Variants in DCC observed in about 807,000 individuals in gnomAD.
DCC encodes the protein DCC netrin 1 receptor.
In DCC, 58 loss-of-function variants were observed where a neutral mutation model predicts 172.5. The ratio of observed to expected loss-of-function variants is 0.34; its 90% CI spans 0.27 to 0.42. The LOEUF (loss-of-function observed/expected upper bound fraction) is 0.42. Among genes scored for constraint, DCC ranks in the 10% least tolerant of loss-of-function variants. DCC has a pLI of 1.00. For missense variants in DCC, 1,740 were observed against 1,791.0 expected, an observed-to-expected ratio of 0.97 and a Z score of 0.51; for synonymous variants, 709 against 644.5, an observed-to-expected ratio of 1.10 and a Z score of -1.52.
At chr18:53,125,630 G>C (rs533655707) in intron 7 of DCC, among the ~76,000 whole-genome samples, 1 of 152,034 alleles carries the variant, frequency 6.6e-6, no homozygotes, top group South Asian at 2.1e-4. Flanking sequence ...TAAACAAATG[G>C]TTCCATAGAA....
intron 24 of DCC, among the ~76,000 whole-genome samples, chr18:53,462,183 C>T (rs150657801): frequency 2.0e-5 from 3 of 152,130 alleles, no homozygotes; most frequent in African/African-American, 7.2e-5. Flanking sequence ...TTATTTATGG[C>T]AGGGGTACTC....
At chr18:52,418,419 C>T (rs977465372) in intron 1 of DCC, among the ~76,000 whole-genome samples, 2 of 152,108 alleles carry the variant, frequency 1.3e-5, no homozygotes, top group Non-Finnish European at 2.9e-5. Flanking sequence ...GTTTTTGAGG[C>T]TGGAGCAGGC....
At chr18:52,880,527 C>G (rs1353509625) in intron 2 of DCC, among the ~76,000 whole-genome samples, 1 of 152,158 alleles carries the variant, frequency 6.6e-6, no homozygotes, top group Non-Finnish European at 1.5e-5. Context: ...CCTTTCCCAG[C>G]CTCTGGTAAC....
At chr18:53,100,681 A>C (rs2144216255) in intron 7 of DCC, among the ~76,000 whole-genome samples, 1 of 152,146 alleles carries the variant, frequency 6.6e-6, no homozygotes, top group South Asian at 2.1e-4. Flanking sequence ...GAGAGAAAGA[A>C]ACACCGAGCT....
At chr18:52,913,479 C>T (rs954405147) in intron 3 of DCC, among the ~76,000 whole-genome samples, 1 of 151,914 alleles carries the variant, frequency 6.6e-6, no homozygotes, top group Non-Finnish European at 1.5e-5. Flanking sequence ...AGTGATCTCC[C>T]CCTCAGCAAA....
chr18:52,656,655 A>G (rs774033040), intron 1 of DCC, among the ~76,000 whole-genome samples: 24 of 152,184 alleles, frequency 1.6e-4, no homozygotes, highest in Non-Finnish European at 2.6e-4. Flanking sequence ...CCACAGTGCT[A>G]GGCTCAAGGG....
chr18:52,383,522 G>T (rs551833958), intron 1 of DCC, among the ~76,000 whole-genome samples: 1 of 151,788 alleles, frequency 6.6e-6, no homozygotes, highest in Non-Finnish European at 1.5e-5. Context: ...TGTAGCATTT[G>T]TTTATATACA....
At chr18:53,314,478 C>G (rs1433617532) in intron 13 of DCC, among the ~76,000 whole-genome samples, 1 of 152,156 alleles carries the variant, frequency 6.6e-6, no homozygotes, top group Non-Finnish European at 1.5e-5. Flanking sequence ...TAAGGAAGAA[C>G]TTTTCTAAAA....
At chr18:53,064,136 A>G (rs140564459) in intron 6 of DCC, among the ~76,000 whole-genome samples, 50 of 152,208 alleles carry the variant, frequency 3.3e-4, no homozygotes, top group African/African-American at 1.2e-3. Flanking sequence ...TTCTATCCCT[A>G]TTGTGGGAGA....
At chr18:53,175,695 AG>A (rs1248196527) in intron 8 of DCC, among the ~76,000 whole-genome samples, 2 of 152,162 alleles carry the variant, frequency 1.3e-5, no homozygotes, top group Non-Finnish European at 2.9e-5. Flanking sequence ...AACAAATGGA[AG>A]AACATTCCAT....
In DCC at chr18:52,989,651, G is replaced by T. The variant is rs1184333932; in HGVS notation, c.985+64281G>T. Among the ~76,000 whole-genome samples the T allele has an allele frequency of 4.6e-5, 7 of 152,124 alleles. No individual in the cohort carries two copies. In the East Asian group the frequency reaches 1.3e-3, roughly 29 times the overall value. ...TAAATATAGATAAGATATGAATCTA[G>T]AGAACACACACATGTACTCACACAA... On this transcript the variant is annotated intron_variant, in intron 5 of 28. Transcript: ENST00000442544.
At chr18:52,515,960 A>C (rs1291315195) in intron 1 of DCC, among the ~76,000 whole-genome samples, 1 of 151,654 alleles carries the variant, frequency 6.6e-6, no homozygotes, top group Non-Finnish European at 1.5e-5. Context: ...TGGGCAAAAT[A>C]AATTAAGAGG....
chr18:53,344,631 G>A (rs763743474), intron 15 of DCC, among the ~76,000 whole-genome samples: 52 of 150,816 alleles, frequency 3.4e-4, no homozygotes, highest in Non-Finnish European at 7.7e-4. Context: ...TAGTGGAGAC[G>A]GGGTTGCACA....
At chr18:53,265,154 G>A (rs1438394952) in intron 12 of DCC, among the ~76,000 whole-genome samples, 1 of 152,132 alleles carries the variant, frequency 6.6e-6, no homozygotes, top group Non-Finnish European at 1.5e-5. Context: ...GAAATAATGT[G>A]TTCTTTTCTT....
At chr18:53,294,125 C>G (rs2057037749) in intron 12 of DCC, among the ~76,000 whole-genome samples, 1 of 151,956 alleles carries the variant, frequency 6.6e-6, no homozygotes, top group Non-Finnish European at 1.5e-5. Flanking sequence ...TGTCAATTTC[C>G]CAAAATCAAT....
chr18:52,784,658 A>T (rs1345457346), intron 2 of DCC, among the ~76,000 whole-genome samples: 3 of 151,846 alleles, frequency 2.0e-5, no homozygotes, highest in Non-Finnish European at 4.4e-5. Context: ...GTGATGACTG[A>T]TGATGTTGAT....
At chr18:52,875,076 T>C (rs180744036) in intron 2 of DCC, among the ~76,000 whole-genome samples, 42 of 152,172 alleles carry the variant, frequency 2.8e-4, no homozygotes, top group African/African-American at 9.4e-4. Flanking sequence ...TTTAGATTGG[T>C]TGATTTGTAC....
intron 1 of DCC, among the ~76,000 whole-genome samples, chr18:52,515,439 C>G (rs1341802964): frequency 1.3e-5 from 2 of 150,788 alleles, no homozygotes; most frequent in Non-Finnish European, 3.0e-5. Context: ...AACCCTGTCT[C>G]TACTAAAAAT....
intron 1 of DCC, among the ~76,000 whole-genome samples, chr18:52,566,891 C>T (rs2033174226): frequency 6.6e-6 from 1 of 151,966 alleles, no homozygotes; most frequent in African/African-American, 2.4e-5. Flanking sequence ...TATGACGTAC[C>T]ATAAAAATGG....
Sources: gnomAD v4.1 joint callset for allele counts (sites outside exome capture counted in the v4.1 genomes callset) on GRCh38, gnomAD v4.1.1 for gene constraint, MANE v1.5 for transcripts, NCBI Gene and HGNC (gene_info 2026-07-23, HGNC 2026-07-21) for gene names.